ANKHD1: variants seen among roughly 807,000 people sequenced by gnomAD.
ANKHD1 encodes the protein ankyrin repeat and KH domain-containing protein 1.
In ANKHD1, 31 loss-of-function variants were observed where a neutral mutation model predicts 230.5. The ratio of observed to expected loss-of-function variants is 0.13; its 90% confidence interval spans 0.10 to 0.18. The LOEUF (loss-of-function observed/expected upper bound fraction) is 0.18. Ranked by LOEUF, ANKHD1 falls within the 10% of genes least tolerant of loss-of-function variation. The pLI is 1.00. For missense variants in ANKHD1, 2,256 were observed against 3,071.3 expected (o/e 0.73, Z 6.27); for synonymous variants, 1,074 against 1,117.6 (o/e 0.96, Z 0.78).
intron 6 of ANKHD1, among the ~76,000 whole-genome samples, chr5:140,447,185 G>T (rs905360814): frequency 3.9e-5 from 6 of 152,010 alleles, no homozygotes; most frequent in African/African-American, 1.4e-4. Context: ...TTACAGGCAT[G>T]AACCACCGTG....
chr5:140,437,962 T>G (rs1419038739), intron 2 of ANKHD1, among the ~76,000 whole-genome samples: 2 of 152,222 alleles, frequency 1.3e-5, no homozygotes, highest in African/African-American at 4.8e-5. Context: ...GTATATAATT[T>G]TTTAATTTTA....
At position 140,529,016 on chromosome 5, in the gene ANKHD1, G is replaced by C. The variant is rs146151072; in HGVS notation, c.6070G>C (p.Val2024Leu). Residue 2024 changes from valine (V) to leucine (L), a missense_variant, in exon 29 of 34, where the codon GTG becomes CTG. By Grantham distance (32) the Val-to-Leu change is conservative. This residue lies in a region of ANKHD1 where 778 missense variants were observed against 966.5 expected (regional missense o/e 0.80). Coordinates refer to ENST00000360839, the MANE Select transcript of ANKHD1 (RefSeq NM_017747.3). Reference sequence around the variant, plus strand: ...ACAAAAGATGGAGTCTTTCTCTGCTGTGCCACCCACCAAAGAGAAAGTGTC... The same window carrying C: ...ACAAAAGATGGAGTCTTTCTCTGCTCTGCCACCCACCAAAGAGAAAGTGTC... The part of the protein sequence containing the change: ...SSQKMESFSA[V>L]PPTKEKVSTQ... 8 of 1,613,968 alleles carry C rather than the reference G, an allele frequency of 5.0e-6. No individual in the cohort carries two copies. The African/African-American group carries it at 5.3e-5, about 11-fold the overall frequency.
intron 5 of ANKHD1, among the ~76,000 whole-genome samples, chr5:140,445,263 T>C (rs1003343887): frequency 6.6e-6 from 1 of 150,454 alleles, no homozygotes; most frequent in Non-Finnish European, 1.5e-5. Context: ...CCCAGCACTT[T>C]GGGAGGCCGA....
At chr5:140,497,872 CCACACCACACACA>C (rs1328744101) in intron 15 of ANKHD1, among the ~76,000 whole-genome samples, 2 of 130,590 alleles carry the variant, frequency 1.5e-5, no homozygotes, top group East Asian at 4.4e-4. Context: ...CACAACCACA[CCACACCACACACA>C]CACACACACA....
chr5:140,537,176 A>G, intron 30 of ANKHD1: 3 of 808,356 alleles, frequency 3.7e-6, no homozygotes, highest in Non-Finnish European at 5.2e-6. Context: ...GAAATCGTGT[A>G]GGATAATGTC....
rs1234808391 is a variant in ANKHD1 at position 140,482,626 on chromosome 5, G to C, written c.1829G>C (p.Arg610Thr). The change falls in exon 11 of 34, where the codon AGA (arginine) becomes ACA (threonine). Residue 610 changes from arginine to threonine, a missense_variant. By Grantham distance (71) the Arg-to-Thr change is moderately conservative. Coordinates refer to ENST00000360839, the MANE Select transcript of ANKHD1 (RefSeq NM_017747.3). ...AGAACACCTTTGATGAAAGCTGCAA[G>C]AGCTGGTCATTTGTGCACTGTGCAG... ...GGRTPLMKAA[R>T]AGHLCTVQFL... The C allele has an allele frequency of 6.2e-7, 1 of 1,612,944 alleles. No homozygotes were observed. The highest frequency in any genetic ancestry group is 8.5e-7 in the Non-Finnish European group (1 of 1,179,570).
intron 9 of ANKHD1, among the ~76,000 whole-genome samples, chr5:140,461,683 T>G (rs1775714102): frequency 6.6e-6 from 1 of 152,158 alleles, no homozygotes; most frequent in Non-Finnish European, 1.5e-5. Flanking sequence ...AAAAGAAACA[T>G]TTTTAACTTT....
At chr5:140,503,747 A>G (rs1159877671) in intron 15 of ANKHD1, among the ~76,000 whole-genome samples, 4 of 150,402 alleles carry the variant, frequency 2.7e-5, no homozygotes, top group African/African-American at 9.8e-5. Context: ...TTGTGTTTTT[A>G]GTAGAGACGG....
chr5:140,530,110 GGT>G (rs1221245702), intron 29 of ANKHD1, among the ~76,000 whole-genome samples: 1 of 151,966 alleles, frequency 6.6e-6, no homozygotes, highest in Non-Finnish European at 1.5e-5. Context: ...AAGTTGCAAA[GGT>G]GTTTAGGCAC....
chr5:140,470,596 G>C (rs978141003), intron 10 of ANKHD1, among the ~76,000 whole-genome samples: 6 of 79,244 alleles, frequency 7.6e-5, no homozygotes, highest in Non-Finnish European at 1.7e-4. Flanking sequence ...ATTTTTTTCT[G>C]TATACTTGTT....
At chr5:140,411,144 AT>A (rs1311907967) in intron 1 of ANKHD1, among the ~76,000 whole-genome samples, 1 of 152,182 alleles carries the variant, frequency 6.6e-6, no homozygotes. Flanking sequence ...TAATGAAGCT[AT>A]TTTTTCCCAC....
At position 140,485,397 on chromosome 5, in the gene ANKHD1, AACACACACACACACACACAC is replaced by A. The variant is rs55859898; in HGVS notation, c.1998+160_1999-162del. On this transcript the variant is annotated intron_variant, in intron 12 of 33. Coordinates refer to ENST00000360839, the MANE Select transcript of ANKHD1 (RefSeq NM_017747.3). This position sits in a 1 kb window ranked among gnomAD's most constrained non-coding sequence, Gnocchi z 4.8. ...CATAAGGAGACCCCATCTCTATTAA[AACACACACACACACACACAC>A]ACACACACACGTATGTATGTGTATA... The A allele has an allele frequency of 3.0e-6, 2 of 664,316 alleles. No individual in the cohort carries two copies. The highest frequency in any genetic ancestry group is 4.6e-6 in the Non-Finnish European group (2 of 438,084). 41.2% of individuals were successfully genotyped at this position (664,316 alleles called of 1,614,324 possible). A position where few individuals can be genotyped will look rare whatever the true frequency, so the allele number is the denominator to read the frequency against.
Position 140,402,162 on chromosome 5 carries a change from C to CAGCGGT in ANKHD1, c.197_202dup (p.Ser66_Gly67dup), listed in dbSNP as rs778745048. 552 of 1,527,600 alleles carry CAGCGGT rather than the reference C, an allele frequency of 3.6e-4. 3 individuals carry two copies. In the South Asian group the frequency reaches 6.4e-3, roughly 18 times the overall value. 94.6% of individuals were successfully genotyped at this position (1,527,600 alleles called of 1,614,324 possible). On this transcript the variant is annotated inframe_insertion, in exon 1 of 34. Transcript: ENST00000360839. The stretch of plus-strand genomic sequence containing the variant: ...GCAGCAGCGGCGGCGGCGGCAGCGG[C>CAGCGGT]AGCGGTACGGGCGGAGGGGACGCGG...
At chr5:140,474,429 T>C (rs1252404618) in intron 10 of ANKHD1, among the ~76,000 whole-genome samples, 1 of 152,146 alleles carries the variant, frequency 6.6e-6, no homozygotes, top group Non-Finnish European at 1.5e-5. Context: ...GTTACAGTCC[T>C]TAAATATATG....
At chr5:140,412,759 G>A (rs1007086864) in intron 1 of ANKHD1, among the ~76,000 whole-genome samples, 1 of 152,168 alleles carries the variant, frequency 6.6e-6, no homozygotes, top group Non-Finnish European at 1.5e-5. Context: ...GTTACAGACA[G>A]TGCATGGTTC....
chr5:140,436,018 TAAG>T (rs1373408188), intron 1 of ANKHD1, 83 bp from the exon 2 acceptor site: 4 of 1,327,090 alleles, frequency 3.0e-6, no homozygotes, highest in South Asian at 4.4e-5. Flanking sequence ...AAGTTCTAAT[TAAG>T]AAGTCATATT....
chr5:140,424,985 T>C (rs1363364383), intron 1 of ANKHD1, among the ~76,000 whole-genome samples: 1 of 152,212 alleles, frequency 6.6e-6, no homozygotes, highest in Admixed American at 6.5e-5. Flanking sequence ...CTGATACATA[T>C]GAGACATTTT....
intron 1 of ANKHD1, among the ~76,000 whole-genome samples, chr5:140,428,386 C>T (rs1363470606): frequency 1.3e-5 from 2 of 152,280 alleles, no homozygotes; most frequent in African/African-American, 4.8e-5. Flanking sequence ...GCAATCCCGG[C>T]ACCTCGGGAG....
intron 14 of ANKHD1, among the ~76,000 whole-genome samples, chr5:140,491,095 TATATATATATATA>T (rs1751756024): frequency 4.2e-5 from 1 of 23,930 alleles, no homozygotes; most frequent in Non-Finnish European, 1.5e-4. Context: ...TGTGTGTGTA[TATATATATATATA>T]CACACACACA....
Sources: gnomAD v4.1 joint callset for allele counts (sites outside exome capture counted in the v4.1 genomes callset) on GRCh38, gnomAD v4.1.1 for gene constraint, gnomAD v4.1.1 regional missense constraint, Gnocchi (gnomAD v3.1) non-coding constraint, MANE v1.5 for transcripts, NCBI Gene and HGNC (gene_info 2026-07-23, HGNC 2026-07-21) for gene names.